Variants in CMSS1 observed in about 807,000 individuals in gnomAD.
CMSS1 encodes cms1 ribosomal small subunit homolog, also known as protein CMSS1.
CMSS1 carries 33 observed loss-of-function variants against 43.5 expected under a neutral mutation model. The observed-to-expected ratio is 0.76, with a 90% CI of 0.57 to 1.01. The LOEUF (loss-of-function observed/expected upper bound fraction) is 1.01, where lower values mean the gene tolerates loss of function less well. Ranked by LOEUF, CMSS1 falls within the 50% of genes least tolerant of loss-of-function variation. The pLI, the probability that CMSS1 is intolerant of heterozygous loss-of-function variation, is 0.00. For missense variants in CMSS1, 313 were observed against 326.4 expected, an observed-to-expected ratio of 0.96 and a Z score of 0.32; for synonymous variants, 115 against 117.2, an observed-to-expected ratio of 0.98 and a Z score of 0.12.
chr3:99,887,241 T>C (rs1047108732), intron 1 of CMSS1, among the ~76,000 whole-genome samples: 51 of 151,578 alleles, frequency 3.4e-4, no homozygotes, highest in Non-Finnish European at 4.9e-4. Context: ...CACTCCAGTC[T>C]GGGCAACAAC....
chr3:99,866,128 G>C (rs897535522), intron 1 of CMSS1, among the ~76,000 whole-genome samples: 3 of 150,698 alleles, frequency 2.0e-5, no homozygotes, highest in Admixed American at 6.6e-5. Context: ...TCCTTTTCCA[G>C]AACTTATTCT....
chr3:100,166,588 C>G (rs1037481560), intron 5 of CMSS1, among the ~76,000 whole-genome samples, 194 bp downstream of exon 5: 2 of 152,086 alleles, frequency 1.3e-5, no homozygotes, highest in African/African-American at 2.4e-5. Flanking sequence ...CTGAGTACTC[C>G]CCTGGACTTA....
At chr3:99,943,261 C>T (rs1452531220) in intron 1 of CMSS1, among the ~76,000 whole-genome samples, 2 of 152,112 alleles carry the variant, frequency 1.3e-5, no homozygotes, top group African/African-American at 4.8e-5. Flanking sequence ...TGTGTGTGGC[C>T]TTCAAAGGAG....
intron 1 of CMSS1, among the ~76,000 whole-genome samples, chr3:99,943,442 G>A (rs1707910189): frequency 6.6e-6 from 1 of 152,126 alleles, no homozygotes; most frequent in Non-Finnish European, 1.5e-5. Context: ...GGTGGCTCAT[G>A]ACTGTAATCC....
chr3:99,880,955 TGTA>T (rs1705706408), intron 1 of CMSS1, among the ~76,000 whole-genome samples: 1 of 152,242 alleles, frequency 6.6e-6, no homozygotes, highest in Non-Finnish European at 1.5e-5. Context: ...GTGGCTTTTC[TGTA>T]GACATTGGGC....
rs558065678 is a variant in CMSS1, at chr3:99,823,789, T to A, written c.64+5746T>A. On this transcript the variant is annotated intron_variant, in intron 1 of 9. Coordinates refer to ENST00000421999, the MANE Select transcript of CMSS1 (RefSeq NM_032359.4). ...TCTTCTACTATTTACTCCCCTATAG[T>A]TTATGCTGCCCCACCCACACCAGCC... is the stretch of plus-strand genomic sequence containing the variant. Among the ~76,000 whole-genome samples, 4 of 152,226 alleles carry A rather than the reference T, an allele frequency of 2.6e-5. No homozygotes were observed. The East Asian group carries it at 7.7e-4, about 29-fold the overall frequency.
At chr3:99,948,879 A>C (rs945599568) in intron 1 of CMSS1, among the ~76,000 whole-genome samples, 6 of 152,170 alleles carry the variant, frequency 3.9e-5, no homozygotes, top group African/African-American at 1.4e-4. Flanking sequence ...CCCTCTCAGC[A>C]GGACTTAGAG....
intron 1 of CMSS1, among the ~76,000 whole-genome samples, chr3:100,084,454 A>G (rs370569005): frequency 1.4e-4 from 22 of 152,350 alleles, no homozygotes; most frequent in African/African-American, 5.3e-4. Context: ...TTTCAGATAT[A>G]TAGAAAAACT....
intron 1 of CMSS1, among the ~76,000 whole-genome samples, chr3:100,015,449 T>C (rs898707691): frequency 1.3e-5 from 2 of 152,224 alleles, no homozygotes; most frequent in Non-Finnish European, 2.9e-5. Flanking sequence ...AGGTATTGCA[T>C]TGAATCTACA....
intron 1 of CMSS1, among the ~76,000 whole-genome samples, chr3:99,835,678 A>G (rs926992813): frequency 1.3e-5 from 2 of 152,238 alleles, no homozygotes; most frequent in African/African-American, 4.8e-5. Flanking sequence ...TTTAAGAAAC[A>G]TTGATATAAG....
intron 9 of CMSS1, among the ~76,000 whole-genome samples, 180 bp from the exon 10 acceptor site, chr3:100,178,125 A>G (rs1203862858): frequency 6.6e-6 from 1 of 152,090 alleles, no homozygotes; most frequent in Non-Finnish European, 1.5e-5. Context: ...TCTCAAAATA[A>G]TAATAATAAT....
intron 2 of CMSS1, 140 bp downstream of exon 2, chr3:100,147,201 G>C (rs576634355): frequency 5.1e-4 from 387 of 766,100 alleles, no homozygotes; most frequent in Non-Finnish European, 7.0e-4. Flanking sequence ...CCTTTGAAAA[G>C]GCCATGGGCC....
At chr3:99,907,662 T>C (rs1343607456) in intron 1 of CMSS1, among the ~76,000 whole-genome samples, 6 of 152,220 alleles carry the variant, frequency 3.9e-5, no homozygotes, top group African/African-American at 1.4e-4. Flanking sequence ...TGCTTTTTCC[T>C]GAATTTGATT....
chr3:100,109,721 G>A (rs1473360808), intron 1 of CMSS1, among the ~76,000 whole-genome samples: 1 of 152,108 alleles, frequency 6.6e-6, no homozygotes, highest in Non-Finnish European at 1.5e-5. Flanking sequence ...TTTACCAATT[G>A]AAGGGGTTGT....
At chr3:100,151,007 A>G (rs1016910466) in intron 2 of CMSS1, among the ~76,000 whole-genome samples, 8 of 151,974 alleles carry the variant, frequency 5.3e-5, no homozygotes, top group Non-Finnish European at 8.8e-5. Flanking sequence ...ATCTCCTTTA[A>G]TCATAAAGGA....
intron 1 of CMSS1, among the ~76,000 whole-genome samples, chr3:99,981,100 A>G (rs1709108735): frequency 1.3e-5 from 2 of 152,184 alleles, no homozygotes; most frequent in African/African-American, 4.8e-5. Context: ...TTTGTGTGGG[A>G]TTACATACTC....
intron 1 of CMSS1, among the ~76,000 whole-genome samples, chr3:99,943,373 C>T (rs377083813): frequency 5.2e-4 from 79 of 152,144 alleles, no homozygotes; most frequent in Non-Finnish European, 6.2e-4. Context: ...TTAATAACTC[C>T]GGGCTTTTAT....
chr3:100,047,310 G>A (rs757303698), intron 1 of CMSS1, among the ~76,000 whole-genome samples: 31 of 152,094 alleles, frequency 2.0e-4, no homozygotes, highest in Non-Finnish European at 3.8e-4. Context: ...TTGAAGAAAA[G>A]GTGCTTCCAA....
rs10529210 is a variant in CMSS1, at chr3:99,916,437, T to TACACACAC, written c.64+98435_64+98442dup. On this transcript the variant is annotated intron_variant, in intron 1 of 9. Coordinates refer to ENST00000421999, the MANE Select transcript of CMSS1 (RefSeq NM_032359.4). ...GCCAACACTTTATAATAACGGTTTA[T>TACACACAC]ACACACACACACACACACACACACA... Among the ~76,000 whole-genome samples the TACACACAC allele has an allele frequency of 3.2e-3, 439 of 137,172 alleles. 1 individual carries two copies. Among genetic ancestry groups the TACACACAC allele is most frequent in the South Asian group, 7.1e-3 (28 of 3,958 alleles). 90.0% of individuals were successfully genotyped at this position (137,172 alleles called of 152,430 possible).
Sources: allele counts gnomAD v4.1 joint callset (sites outside exome capture counted in the v4.1 genomes callset), GRCh38; gene constraint gnomAD v4.1.1; transcripts MANE v1.5; gene names NCBI Gene and HGNC (gene_info 2026-07-23, HGNC 2026-07-21).